ZSCAN5A: variants seen among roughly 807,000 people sequenced by gnomAD.
The protein encoded by ZSCAN5A is zinc finger and SCAN domain containing 5A.
Under a neutral mutation model 23.7 loss-of-function variants are expected in ZSCAN5A, and 12 were observed. The observed-to-expected ratio is 0.51, with a 90% CI of 0.32 to 0.82. ZSCAN5A has a LOEUF of 0.82. Ranked by LOEUF, ZSCAN5A falls within the 40% of genes least tolerant of loss-of-function variation. The pLI, the probability that ZSCAN5A is intolerant of heterozygous loss-of-function variation, is 0.03. For missense variants in ZSCAN5A, 597 were observed against 617.9 expected, an observed-to-expected ratio of 0.97 and a Z score of 0.36; for synonymous variants, 257 against 239.9, an observed-to-expected ratio of 1.07 and a Z score of -0.66.
At chr19:56,257,779 C>G (rs2036814566) in intron 2 of ZSCAN5A, among the ~76,000 whole-genome samples, 1 of 131,474 alleles carries the variant, frequency 7.6e-6, no homozygotes. Flanking sequence ...CGCCAGGGGA[C>G]TCTGCAAGCC....
chr19:56,222,455 G>A (rs1158050004), intron 5 of ZSCAN5A, 129 bp from the exon 6 acceptor site: 4 of 1,550,110 alleles, frequency 2.6e-6, no homozygotes, highest in Non-Finnish European at 3.5e-6. Context: ...TGGACTGTAG[G>A]TCTCTGGAAA....
chr19:56,342,626 GA>G, intron 2 of ZSCAN5A: 2 of 468,582 alleles, frequency 4.3e-6, no homozygotes, highest in Admixed American at 2.8e-5. Context: ...CTTGATTAGG[GA>G]AAAAAATTTG....
chr19:56,277,508 T>C (rs2038353210), intron 2 of ZSCAN5A, among the ~76,000 whole-genome samples: 1 of 147,930 alleles, frequency 6.8e-6, no homozygotes, highest in African/African-American at 2.5e-5. Context: ...AGAGACACAA[T>C]GGACATTAGT....
intron 2 of ZSCAN5A, among the ~76,000 whole-genome samples, chr19:56,355,147 C>G (rs578194521): frequency 6.7e-6 from 1 of 149,768 alleles, no homozygotes; most frequent in Non-Finnish European, 1.5e-5. Flanking sequence ...TCCCAATTGA[C>G]AGCTCCACGG....
intron 2 of ZSCAN5A, chr19:56,342,933 G>A (rs1431895386): frequency 9.8e-7 from 1 of 1,016,636 alleles, no homozygotes; most frequent in Non-Finnish European, 1.6e-6. Flanking sequence ...GTTCCATATA[G>A]CAGTGCACTT....
intron 2 of ZSCAN5A, among the ~76,000 whole-genome samples, chr19:56,323,941 G>T (rs575646933): frequency 6.6e-6 from 1 of 152,156 alleles, no homozygotes; most frequent in East Asian, 1.9e-4. Context: ...GGACAATTGG[G>T]ACTCCATCAC....
intron 2 of ZSCAN5A, among the ~76,000 whole-genome samples, chr19:56,271,035 G>C (rs2146953028): frequency 6.6e-6 from 1 of 152,308 alleles, no homozygotes; most frequent in Admixed American, 6.5e-5. Flanking sequence ...CCAGGCATTT[G>C]TTGCATTTAA....
intron 2 of ZSCAN5A, chr19:56,342,307 T>C (rs1383561903): frequency 2.5e-4 from 2 of 8,160 alleles, no homozygotes; most frequent in African/African-American, 1.1e-3. Context: ...TAAGCTGTCT[T>C]ACAAAAAAAA....
chr19:56,342,991 C>A, intron 2 of ZSCAN5A: 1 of 851,168 alleles, frequency 1.2e-6, no homozygotes, highest in Non-Finnish European at 2.1e-6. Context: ...TGCCTCCAAT[C>A]GTCTTTTCAG....
In ZSCAN5A at chr19:56,359,771, A is replaced by G. The variant is rs181013080; in HGVS notation, c.-358+3464T>C. Among the ~76,000 whole-genome samples, 299 of 152,342 alleles carry G rather than the reference A, an allele frequency of 2.0e-3. 1 individual carries two copies. The highest frequency in any genetic ancestry group is 1.6e-3 in the Non-Finnish European group (106 of 68,028). On this transcript the variant is annotated intron_variant, in intron 2 of 6. Transcript: ENST00000587340. ...CATTCCTGGGATGCAAGGCTGGTTC[A>G]ATACATGAAATCAATAAACATAATT...
chr19:56,353,592 G>A (rs1052601705), intron 2 of ZSCAN5A, among the ~76,000 whole-genome samples: 3 of 151,708 alleles, frequency 2.0e-5, no homozygotes, highest in Non-Finnish European at 4.4e-5. Flanking sequence ...CCTGGCTAAC[G>A]GCGGTGAAAC....
intron 2 of ZSCAN5A, chr19:56,297,415 C>T (rs2039950053): frequency 6.2e-6 from 2 of 322,974 alleles, no homozygotes; most frequent in Non-Finnish European, 8.9e-6. Context: ...TCCTCTTCCT[C>T]TTCCTCCCTC....
intron 2 of ZSCAN5A, chr19:56,282,345 C>A: frequency 3.7e-6 from 1 of 269,214 alleles, no homozygotes; most frequent in Non-Finnish European, 5.7e-6. Flanking sequence ...CATTCTGGTT[C>A]CCTAACCTAT....
rs576424351 is a variant in ZSCAN5A at position 56,266,886 on chromosome 19, G to A, written c.-127-41713C>T. 4 of 152,400 alleles carry A rather than the reference G, an allele frequency of 2.6e-5. No homozygotes were observed. The South Asian group carries it at 8.3e-4, about 32-fold the overall frequency. 9.4% of individuals were successfully genotyped at this position (152,400 alleles called of 1,614,324 possible). ...TGCTTACTATCATTCTCACGGCGGA[G>A]CCCACTCAGGTTTGTTGACAATCTG... On this transcript the variant is annotated intron_variant, in intron 2 of 5. Transcript: ENST00000683990.
At chr19:56,269,167 G>A (rs898718076) in intron 2 of ZSCAN5A, among the ~76,000 whole-genome samples, 5 of 152,034 alleles carry the variant, frequency 3.3e-5, no homozygotes, top group Non-Finnish European at 7.4e-5. Context: ...AGGGTTATAC[G>A]GTAGCCCTAT....
rs558642268 is a variant in ZSCAN5A, at chr19:56,335,458, T to C, written c.-357-19190A>G. Among the ~76,000 whole-genome samples, 22 of 152,336 alleles carry C rather than the reference T, an allele frequency of 1.4e-4. No individual in the cohort carries two copies. In the South Asian group the frequency reaches 4.6e-3, roughly 32 times the overall value. On this transcript the variant is annotated intron_variant, in intron 2 of 6. Transcript: ENST00000587340. ...CTTGGTAGATCTTCCTCCATCCCTTTATTTTGAGCCTATGTGTGTCTCTGC... is the reference window on the plus strand; with the variant it reads ...CTTGGTAGATCTTCCTCCATCCCTTCATTTTGAGCCTATGTGTGTCTCTGC...
At chr19:56,309,420 G>T (rs1387281223) in intron 2 of ZSCAN5A, among the ~76,000 whole-genome samples, 1 of 152,170 alleles carries the variant, frequency 6.6e-6, no homozygotes, top group Non-Finnish European at 1.5e-5. Flanking sequence ...ACTAAATTGT[G>T]CCCTTTCAAA....
chr19:56,300,247 T>A (rs1397091182), intron 2 of ZSCAN5A, among the ~76,000 whole-genome samples: 3 of 152,114 alleles, frequency 2.0e-5, no homozygotes, highest in Admixed American at 6.5e-5. Flanking sequence ...ATTTCACCCT[T>A]TTATATAGCC....
At chr19:56,292,355 T>C (rs921349205) in intron 2 of ZSCAN5A, among the ~76,000 whole-genome samples, 4 of 152,190 alleles carry the variant, frequency 2.6e-5, no homozygotes, top group Non-Finnish European at 1.5e-5. Flanking sequence ...GCAGACCTCC[T>C]GGGCTCAAGC....
Sources: allele counts gnomAD v4.1 joint callset (sites outside exome capture counted in the v4.1 genomes callset), GRCh38; gene constraint gnomAD v4.1.1; transcripts MANE v1.5; gene names NCBI Gene and HGNC (gene_info 2026-07-23, HGNC 2026-07-21).